MGST2: variants seen among roughly 807,000 people sequenced by gnomAD.
The protein encoded by MGST2 is microsomal glutathione S-transferase 2.
In MGST2, 9 loss-of-function variants were observed where a neutral mutation model predicts 16.6. The observed-to-expected ratio is 0.54, with a 90% CI of 0.33 to 0.95. The LOEUF is 0.95. Among genes scored for constraint, MGST2 ranks in the 40% least tolerant of loss-of-function variants. MGST2 has a pLI of 0.03. For synonymous variants in MGST2, 79 were observed against 68.0 expected, an observed-to-expected ratio of 1.16 and a Z score of -0.79; for missense variants, 159 against 175.1, an observed-to-expected ratio of 0.91 and a Z score of 0.52.
the MGST2 span, among the ~76,000 whole-genome samples, chr4:139,751,950 A>G: frequency 1.3e-5 from 2 of 152,264 alleles, no homozygotes; most frequent in Admixed American, 1.3e-4. Flanking sequence ...TCCATATAAA[A>G]GGAAGCCTGT....
chr4:139,727,812 C>G (rs377711314), intron 5 of MGST2, among the ~76,000 whole-genome samples: 29 of 152,318 alleles, frequency 1.9e-4, no homozygotes, highest in African/African-American at 6.5e-4. Context: ...CCTCACATGT[C>G]CTTTCAGGAA....
chr4:139,702,870 T>TTTTTTTTC (rs1410186751), intron 3 of MGST2, among the ~76,000 whole-genome samples: 3 of 134,878 alleles, frequency 2.2e-5, no homozygotes, highest in Admixed American at 7.7e-5. Context: ...TTTTTTTTTT[T>TTTTTTTTC]ACAATTTTAG....
At chr4:139,725,774 A>C (rs1356178955) in intron 5 of MGST2, 2 of 1,613,890 alleles carry the variant, frequency 1.2e-6, no homozygotes, top group Non-Finnish European at 1.7e-6. Context: ...GACCTGCTGC[A>C]CTGGGTATGG....
chr4:139,710,700 C>A (rs1217697668), intron 5 of MGST2, among the ~76,000 whole-genome samples: 1 of 152,092 alleles, frequency 6.6e-6, no homozygotes, highest in African/African-American at 2.4e-5. Flanking sequence ...GTAGCGATGG[C>A]CTCTTCTTCA....
At chr4:139,698,263 C>A in intron 3 of MGST2, 9 of 1,173,490 alleles carry the variant, frequency 7.7e-6, no homozygotes, top group Non-Finnish European at 1.1e-5. Flanking sequence ...AGATAGGCCT[C>A]ACTTGCCTCC....
chr4:139,713,908 C>T (rs749204012), intron 5 of MGST2, among the ~76,000 whole-genome samples: 1 of 152,214 alleles, frequency 6.6e-6, no homozygotes, highest in Non-Finnish European at 1.5e-5. Context: ...GCGTGGTCTC[C>T]AGTTCCTTTC....
intron 5 of MGST2, chr4:139,719,122 G>C: frequency 1.7e-6 from 1 of 587,970 alleles, no homozygotes; most frequent in Admixed American, 3.5e-5. Context: ...GTCTCATCTC[G>C]ATTGCTGTGT....
chr4:139,690,552 C>T (rs906171013), intron 2 of MGST2, among the ~76,000 whole-genome samples: 4 of 152,168 alleles, frequency 2.6e-5, no homozygotes, highest in Admixed American at 2.6e-4. Context: ...TGGTTTAACA[C>T]AGTGGAAGTT....
At position 139,666,111 on chromosome 4, in the gene MGST2, TGTGTGC is replaced by T. The variant is rs754286180; in HGVS notation, c.58+40_58+45del. ...CATGGGAAGTTCGTGTGTGTGCGCG[TGTGTGC>T]GTGTGTGTGTGTGTGTGACAAGGCT... is the stretch of plus-strand genomic sequence containing the variant. On this transcript the variant is annotated intron_variant, in intron 1 of 4. Transcript: ENST00000265498. 4.1e-4 allele frequency: 563 copies of T among 1,358,234 alleles called. No homozygotes were observed. The African/African-American group carries it at 0.011, about 26-fold the overall frequency. The allele number at this position is 1,358,234 out of a possible 1,614,324, so 84.1% of individuals were successfully genotyped here.
intron 1 of MGST2, among the ~76,000 whole-genome samples, chr4:139,668,266 G>A (rs1281391661): frequency 2.6e-5 from 4 of 152,154 alleles, no homozygotes; most frequent in African/African-American, 7.2e-5. Flanking sequence ...AGGTAGCAGC[G>A]TTTGGAGAGA....
intron 1 of MGST2, among the ~76,000 whole-genome samples, chr4:139,674,765 A>G (rs1730879832): frequency 6.6e-6 from 1 of 152,176 alleles, no homozygotes; most frequent in South Asian, 2.1e-4. Flanking sequence ...TGGGTGACAG[A>G]ATGAGACTCT....
chr4:139,686,818 T>C (rs751999526), intron 2 of MGST2, among the ~76,000 whole-genome samples: 48 of 152,234 alleles, frequency 3.2e-4, no homozygotes, highest in Non-Finnish European at 1.2e-4. Flanking sequence ...CACTATGCTA[T>C]TTATAAAAAT....
Position 139,666,105 on chromosome 4 carries a change from T to TGCGTGTGTGTGTGC in MGST2, c.58+31_58+32insTGTGTGTGTGCGCG, listed in dbSNP as rs775621997. 7 of 1,580,676 alleles carry TGCGTGTGTGTGTGC rather than the reference T, an allele frequency of 4.4e-6. 1 individual carries two copies. Among genetic ancestry groups the TGCGTGTGTGTGTGC allele is most frequent in the African/African-American group, 4.4e-5 (3 of 68,932 alleles). ...AAGAGGCATGGGAAGTTCGTGTGTG[T>TGCGTGTGTGTGTGC]GCGCGTGTGTGCGTGTGTGTGTGTG... is the stretch of plus-strand genomic sequence containing the variant. On this transcript the variant is annotated intron_variant, in intron 1 of 4. Coordinates refer to ENST00000265498, the MANE Select transcript of MGST2 (RefSeq NM_002413.5).
At chr4:139,673,028 C>G (rs1730781826) in intron 1 of MGST2, among the ~76,000 whole-genome samples, 1 of 152,144 alleles carries the variant, frequency 6.6e-6, no homozygotes, top group Non-Finnish European at 1.5e-5. Flanking sequence ...CAGTAGGAAA[C>G]ACATTGCCTC....
At position 139,665,919 on chromosome 4, in the gene MGST2, C is replaced by G. The variant is rs942128050; in HGVS notation, c.-101C>G. On this transcript the variant is annotated 5_prime_UTR_variant, in exon 1 of 5. Transcript: ENST00000265498. ...GCTTGAATCAGCCTTTTCCCCCCAC[C>G]CGGTCCCCAACTTTGTTTACCCGAT... The G allele has an allele frequency of 1.7e-6, 2 of 1,208,564 alleles. No individual in the cohort carries two copies. The highest frequency in any genetic ancestry group is 3.0e-5 in the African/African-American group (2 of 67,316). The allele number at this position is 1,208,564 out of a possible 1,614,324, so 74.9% of individuals were successfully genotyped here.
the MGST2 span, among the ~76,000 whole-genome samples, chr4:139,752,696 T>C: frequency 2.0e-5 from 3 of 152,204 alleles, no homozygotes; most frequent in Admixed American, 1.3e-4. Context: ...CGAGAGAGCA[T>C]GTGTACAGAT....
chr4:139,703,559 G>A (rs1278987327), intron 4 of MGST2, 23 bp downstream of exon 4: 3 of 1,601,574 alleles, frequency 1.9e-6, no homozygotes, highest in Admixed American at 1.7e-5. Context: ...CAGTAATTTT[G>A]TATTTATGCA....
the MGST2 span, among the ~76,000 whole-genome samples, chr4:139,750,003 T>C: frequency 6.6e-6 from 1 of 151,874 alleles, no homozygotes. Flanking sequence ...GGATTATTCA[T>C]GTCACTAGAG....
intron 2 of MGST2, chr4:139,685,232 C>T (rs1436846748): frequency 6.6e-6 from 1 of 152,654 alleles, no homozygotes; most frequent in African/African-American, 2.4e-5. Context: ...CATAGCTACT[C>T]ATATACCCTT....
Sources: gnomAD v4.1 joint callset for allele counts (sites outside exome capture counted in the v4.1 genomes callset) on GRCh38, gnomAD v4.1.1 for gene constraint, MANE v1.5 for transcripts, NCBI Gene and HGNC (gene_info 2026-07-23, HGNC 2026-07-21) for gene names.